The following CHD7 variants were observed in gnomAD, a reference collection of about 807,000 sequenced individuals.
The protein encoded by CHD7 is chromodomain helicase DNA binding protein 7.
A neutral mutation model predicts 307.3 loss-of-function variants in CHD7; 24 were observed. The observed-to-expected ratio is 0.08, with a 90% CI of 0.06 to 0.11. The LOEUF is 0.11. CHD7 is among the 10% of genes least tolerant of loss of function. The pLI is 1.00. For synonymous variants in CHD7, 1,363 were observed against 1,349.9 expected, an observed-to-expected ratio of 1.01 and a Z score of -0.21; for missense variants, 3,106 against 3,727.1, an observed-to-expected ratio of 0.83 and a Z score of 4.34.
At chr8:60,739,052 C>A (rs1357066642) in intron 1 of CHD7, among the ~76,000 whole-genome samples, 1 of 152,152 alleles carries the variant, frequency 6.6e-6, no homozygotes, top group East Asian at 1.9e-4. Context: ...CAAGCTTGAT[C>A]TGACTCTGCC....
intron 2 of CHD7, among the ~76,000 whole-genome samples, chr8:60,773,298 C>G (rs1810800674): frequency 6.6e-6 from 1 of 152,156 alleles, no homozygotes. Context: ...CCTCTTTTTT[C>G]TCACAAAATT....
At chr8:60,835,200 G>GCTTA (rs909915702) in intron 15 of CHD7, among the ~76,000 whole-genome samples, 2 of 152,206 alleles carry the variant, frequency 1.3e-5, no homozygotes, top group African/African-American at 2.4e-5. Context: ...GTTGAAGGAA[G>GCTTA]CTTAGCCTGC....
chr8:60,723,288 G>A (rs1807999981), intron 1 of CHD7, among the ~76,000 whole-genome samples: 1 of 151,676 alleles, frequency 6.6e-6, no homozygotes, highest in Non-Finnish European at 1.5e-5. Flanking sequence ...GAAGTAACAG[G>A]CTTATTTTGT....
chr8:60,712,687 C>T (rs547837845), intron 1 of CHD7, among the ~76,000 whole-genome samples: 5 of 151,946 alleles, frequency 3.3e-5, no homozygotes, highest in East Asian at 3.9e-4. Context: ...GAGGCTGAGG[C>T]GGGCAGATCA....
chr8:60,746,896 T>G (rs940701547), intron 2 of CHD7, among the ~76,000 whole-genome samples: 1 of 152,212 alleles, frequency 6.6e-6, no homozygotes, highest in Admixed American at 6.5e-5. Context: ...AAACCCTAGC[T>G]TATATTTCTT....
rs752107963 is a variant in CHD7 at position 60,852,930 on chromosome 8, C to G, written c.6205C>G (p.Leu2069Val). The G allele has an allele frequency of 1.5e-5, 25 of 1,613,868 alleles. No homozygotes were observed. Among genetic ancestry groups the G allele is most frequent in the Non-Finnish European group, 2.0e-5 (24 of 1,179,912 alleles). Reference protein sequence around the residue: ...ELLRKIREQVLHHPQLGERLK... With the variant: ...ELLRKIREQVVHHPQLGERLK... ...GCTACGGAAGATCCGCGAGCAGGTT[C>G]TCCATCACCCCCAGCTGGGAGAGAG... is the stretch of plus-strand genomic sequence containing the variant. The change falls in exon 31 of 38, where the codon CTC becomes GTC. Residue 2069 changes from leucine (L) to valine (V), a missense_variant. Coordinates refer to ENST00000423902, the MANE Select transcript of CHD7 (RefSeq NM_017780.4).
intron 1 of CHD7, among the ~76,000 whole-genome samples, chr8:60,733,046 G>A (rs527383116): frequency 3.3e-5 from 5 of 152,016 alleles, no homozygotes; most frequent in Admixed American, 2.6e-4. Flanking sequence ...ACCAGTTTGG[G>A]CAACATAGTG....
chr8:60,833,210 C>T (rs1410117590), intron 15 of CHD7, among the ~76,000 whole-genome samples: 2 of 152,146 alleles, frequency 1.3e-5, no homozygotes, highest in African/African-American at 2.4e-5. Flanking sequence ...AATCAACATT[C>T]AACAAAACAC....
rs746986165 is a variant in CHD7 at position 60,865,559 on chromosome 8, G to T, written c.8620G>T (p.Val2874Phe). ...GGCTGCTGACTCTGCGAATGGATCTGTTGGTGCTGCTACTGCCCCGGCTGG... is the reference window on the plus strand; with the variant it reads ...GGCTGCTGACTCTGCGAATGGATCTTTTGGTGCTGCTACTGCCCCGGCTGG... ...VSAADSANGS[V>F]GAATAPAGLP... Residue 2874 changes from valine to phenylalanine, a missense_variant, in exon 38 of 38, where the codon GTT becomes TTT. Coordinates refer to ENST00000423902, the MANE Select transcript of CHD7 (RefSeq NM_017780.4). This position sits in a 1 kb window ranked among gnomAD's most constrained non-coding sequence, Gnocchi z 4.3. 1 of 1,614,084 alleles carries T rather than the reference G, an allele frequency of 6.2e-7. No individual in the cohort carries two copies. Among genetic ancestry groups the T allele is most frequent in the Admixed American group, 1.7e-5 (1 of 60,036 alleles).
At chr8:60,707,898 G>C (rs1225062092) in intron 1 of CHD7, among the ~76,000 whole-genome samples, 2 of 152,190 alleles carry the variant, frequency 1.3e-5, no homozygotes, top group Non-Finnish European at 2.9e-5. Flanking sequence ...CAGGATGCCA[G>C]GTACATGCAA....
chr8:60,801,610 C>T lies in CHD7; in HGVS notation c.2442+17C>T, dbSNP rs766555433. 19 of 1,540,560 alleles carry T rather than the reference C, an allele frequency of 1.2e-5. No individual in the cohort carries two copies. The Admixed American group carries it at 3.4e-4, about 28-fold the overall frequency. ...AAAAAGCAGGTGAGTGCCATTGGAGCCATTAAAATCTGTGAGGTGTATGTG... is the reference window on the plus strand; with the variant it reads ...AAAAAGCAGGTGAGTGCCATTGGAGTCATTAAAATCTGTGAGGTGTATGTG... On this transcript the variant is annotated intron_variant, in intron 6 of 37. Coordinates refer to ENST00000423902, the MANE Select transcript of CHD7 (RefSeq NM_017780.4).
chr8:60,741,704 G>C lies in CHD7; in HGVS notation c.272G>C (p.Ser91Thr). 1.9e-6 allele frequency: 3 copies of C among 1,613,970 alleles called. No homozygotes were observed. Among genetic ancestry groups the C allele is most frequent in the Non-Finnish European group, 2.5e-6 (3 of 1,179,884 alleles). Residue 91 changes from serine (S) to threonine (T), a missense_variant, in exon 2 of 38, where the codon AGC becomes ACC. By Grantham distance (58) the Ser-to-Thr change is moderately conservative (BLOSUM62 1). This residue lies in a region of CHD7 where 998 missense variants were observed against 1,004.5 expected (regional missense o/e 0.99). Transcript: ENST00000423902. ...HLMDQPNRMM[S>T]NTPGNGLASP... The stretch of plus-strand genomic sequence containing the variant: ...ATGGATCAGCCGAACAGAATGATGA[G>C]CAACACCCCTGGGAACGGACTCGCG...
At chr8:60,683,514 C>T (rs1447311128) in intron 1 of CHD7, among the ~76,000 whole-genome samples, 1 of 152,134 alleles carries the variant, frequency 6.6e-6, no homozygotes, top group African/African-American at 2.4e-5. Flanking sequence ...GAAATAGAAA[C>T]AGGAAGTTGT....
chr8:60,835,042 G>A (rs540330760), intron 15 of CHD7, among the ~76,000 whole-genome samples: 5 of 152,372 alleles, frequency 3.3e-5, no homozygotes, highest in African/African-American at 1.2e-4. Context: ...TAAGATGAAT[G>A]TGTGTGTTTG....
In CHD7 at chr8:60,841,968, C is replaced by T; in HGVS notation, c.4766C>T (p.Ala1589Val). ...AGTGATTCTGAAGAAAAGCCCTGTG[C>T]AAAGCCACGGCGTCCCCAGGATAAG... The part of the protein sequence containing the change: ...LESDSEEKPC[A>V]KPRRPQDKSQ... The change falls in exon 21 of 38, where the codon GCA becomes GTA. Residue 1589 changes from alanine (A) to valine (V), a missense_variant. Physicochemically the swap from Ala to Val is moderately conservative, Grantham distance 64. Coordinates refer to ENST00000423902, the MANE Select transcript of CHD7 (RefSeq NM_017780.4). 6.2e-7 allele frequency: 1 copy of T among 1,613,522 alleles called. No homozygotes were observed.
chr8:60,836,013 AT>A (rs779834884), intron 15 of CHD7, 59 bp from the exon 16 acceptor site: 135 of 1,286,810 alleles, frequency 1.0e-4, no homozygotes, highest in Non-Finnish European at 1.4e-4. Flanking sequence ...AAGCAAGTGC[AT>A]TGTTTTTAGT....
intron 4 of CHD7, among the ~76,000 whole-genome samples, chr8:60,796,311 G>A (rs979605851): frequency 3.3e-5 from 5 of 152,122 alleles, no homozygotes; most frequent in East Asian, 1.9e-4. Flanking sequence ...TTTTAATTGC[G>A]TAGGCTGTTT....
chr8:60,834,505 T>C (rs1276870778), intron 15 of CHD7, among the ~76,000 whole-genome samples: 2 of 152,234 alleles, frequency 1.3e-5, no homozygotes, highest in Non-Finnish European at 2.9e-5. Flanking sequence ...TTTCATGTTT[T>C]AAAAAATATT....
At chr8:60,739,533 A>G (rs1808885357) in intron 1 of CHD7, among the ~76,000 whole-genome samples, 1 of 152,208 alleles carries the variant, frequency 6.6e-6, no homozygotes, top group African/African-American at 2.4e-5. Context: ...ATTTTCACCC[A>G]TCTGACCTCT....
Sources: gnomAD v4.1 joint callset for allele counts (sites outside exome capture counted in the v4.1 genomes callset) on GRCh38, gnomAD v4.1.1 for gene constraint, gnomAD v4.1.1 regional missense constraint, Gnocchi (gnomAD v3.1) non-coding constraint, MANE v1.5 for transcripts, NCBI Gene and HGNC (gene_info 2026-07-23, HGNC 2026-07-21) for gene names.